The following GIGYF2 variants were observed in gnomAD, a reference collection of about 807,000 sequenced individuals.
GIGYF2 encodes GRB10-interacting GYF protein 2.
A neutral mutation model predicts 208.1 loss-of-function variants in GIGYF2; 25 were observed. The ratio of observed to expected loss-of-function variants is 0.12; its 90% CI spans 0.09 to 0.17. The LOEUF is 0.17. Among genes scored for constraint, GIGYF2 ranks in the 10% least tolerant of loss-of-function variants. The pLI, the probability that GIGYF2 is intolerant of heterozygous loss-of-function variation, is 1.00. For synonymous variants in GIGYF2, 534 were observed against 543.8 expected, an observed-to-expected ratio of 0.98 and a Z score of 0.25; for missense variants, 1,302 against 1,579.4, an observed-to-expected ratio of 0.82 and a Z score of 2.98.
chr2:232,702,823 C>A (rs1695916630), intron 1 of GIGYF2, among the ~76,000 whole-genome samples: 1 of 152,176 alleles, frequency 6.6e-6, no homozygotes, highest in Non-Finnish European at 1.5e-5. Flanking sequence ...GAGATAAGGT[C>A]TCACTCTGTC....
intron 1 of GIGYF2, among the ~76,000 whole-genome samples, chr2:232,697,880 C>G (rs1432880587): frequency 6.6e-6 from 1 of 152,206 alleles, no homozygotes; most frequent in Admixed American, 6.5e-5. Flanking sequence ...CACACCTGGT[C>G]CCTGGGAGGT....
At position 232,802,135 on chromosome 2, in the gene GIGYF2, AATTT is replaced by A. The variant is rs200775180; in HGVS notation, c.1640-4351_1640-4348del. On this transcript the variant is annotated intron_variant, in intron 14 of 28. Transcript: ENST00000373563. ...GACTTTGTGTCCTGCCACTTTGCTG[AATTT>A]ATTTTTTACTTCTAACCTGTTTTTA... Among the ~76,000 whole-genome samples, 1,322 of 152,178 alleles carry A rather than the reference AATTT, an allele frequency of 8.7e-3. 33 individuals carry two copies. The highest frequency in any genetic ancestry group is 0.054 in the Admixed American group (829 of 15,292).
intron 1 of GIGYF2, among the ~76,000 whole-genome samples, chr2:232,702,212 G>A (rs1695881132): frequency 1.3e-5 from 2 of 152,124 alleles, no homozygotes; most frequent in Admixed American, 1.3e-4. Flanking sequence ...GCTGAGGTGG[G>A]TGGATCACTT....
chr2:232,746,644 C>T (rs1438343962), intron 3 of GIGYF2, among the ~76,000 whole-genome samples: 1 of 152,088 alleles, frequency 6.6e-6, no homozygotes, highest in Admixed American at 6.6e-5. Flanking sequence ...TCCCCAAGTT[C>T]TGTTCTTTAG....
Position 232,844,394 on chromosome 2 carries a change from G to A in GIGYF2, c.3125G>A (p.Gly1042Glu), listed in dbSNP as rs1701929796. 1 of 1,613,586 alleles carries A rather than the reference G, an allele frequency of 6.2e-7. No individual in the cohort carries two copies. Among genetic ancestry groups the A allele is most frequent in the African/African-American group, 1.3e-5 (1 of 74,886 alleles). ...CATTCCAACCTGCACACCAGCATTGGGAATTCTGTTTGGGGCTCTATAAAT... is the reference window on the plus strand; with the variant it reads ...CATTCCAACCTGCACACCAGCATTGAGAATTCTGTTTGGGGCTCTATAAAT... ...NTHSNLHTSI[G>E]NSVWGSINTG... Residue 1042 changes from glycine to glutamate, a missense_variant, in exon 25 of 29, where the codon GGG (glycine) becomes GAG (glutamate). By Grantham distance (98) the Gly-to-Glu change is moderately conservative. This residue lies in a region of GIGYF2 where 701 missense variants were observed against 793.0 expected (regional missense o/e 0.88). Coordinates refer to ENST00000373563, the MANE Select transcript of GIGYF2 (RefSeq NM_001103146.3).
chr2:232,777,780 G>A (rs2106349479), intron 8 of GIGYF2, among the ~76,000 whole-genome samples: 1 of 152,194 alleles, frequency 6.6e-6, no homozygotes, highest in East Asian at 1.9e-4. Context: ...TTCCCTGCAT[G>A]TACTGGTAGG....
chr2:232,847,793 G>T (rs1275957075), intron 27 of GIGYF2, among the ~76,000 whole-genome samples: 3 of 152,152 alleles, frequency 2.0e-5, no homozygotes, highest in Non-Finnish European at 4.4e-5. Context: ...AGGTTTACCA[G>T]TTCCATTTTT....
At chr2:232,706,162 A>G (rs1240496125) in intron 2 of GIGYF2, among the ~76,000 whole-genome samples, 1 of 152,254 alleles carries the variant, frequency 6.6e-6, no homozygotes, top group Non-Finnish European at 1.5e-5. Context: ...ATGTCTAATG[A>G]CAGCCCACAG....
intron 8 of GIGYF2, among the ~76,000 whole-genome samples, chr2:232,763,450 A>G (rs1353828402): frequency 2.6e-5 from 4 of 152,162 alleles, no homozygotes; most frequent in Non-Finnish European, 4.4e-5. Context: ...GATAAAGTTT[A>G]ATTTATAAAT....
chr2:232,703,670 T>C (rs531901876), intron 2 of GIGYF2, among the ~76,000 whole-genome samples, 181 bp downstream of exon 2: 1 of 152,354 alleles, frequency 6.6e-6, no homozygotes, highest in South Asian at 2.1e-4. Flanking sequence ...CCTTTCTGCA[T>C]TGACCCTGGT....
chr2:232,844,476 T>C lies in GIGYF2; in HGVS notation c.3207T>C (p.Ala1069=), dbSNP rs1449711521. Residue 1069 remains alanine, a synonymous_variant, in exon 25 of 29, where the codon GCT becomes GCC. Transcript: ENST00000373563. The stretch of plus-strand genomic sequence containing the variant: ...TAGTCAGTAGTATTTGGAGTAATGC[T>C]GACACTAAAAACTCCAACATGGGAT... ...SDLVSSIWSN[A]DTKNSNMGFW... 1 of 1,612,352 alleles carries C rather than the reference T, an allele frequency of 6.2e-7. No individual in the cohort carries two copies. The highest frequency in any genetic ancestry group is 8.5e-7 in the Non-Finnish European group (1 of 1,178,498).
rs1700726848 is a variant in GIGYF2, at chr2:232,811,284, G to A, written c.1939G>A (p.Ala647Thr). The A allele has an allele frequency of 6.2e-7, 1 of 1,612,658 alleles. No individual in the cohort carries two copies. Among genetic ancestry groups the A allele is most frequent in the Non-Finnish European group, 8.5e-7 (1 of 1,178,734 alleles). ...AQVLAQQQKA[A>T]LSSQQQQQLA... ...GGTTTTGGCCCAACAGCAGAAAGCA[G>A]CACTGTCTTCCCAGCAGCAGCAGCA... The change falls in exon 17 of 29, where the codon GCA (alanine) becomes ACA (threonine). Residue 647 changes from alanine to threonine, a missense_variant. By Grantham distance (58) the Ala-to-Thr change is moderately conservative (BLOSUM62 0). Around this residue, in one of 8 missense-constraint regions of GIGYF2, gnomAD observed 701 missense variants for 793.0 expected, o/e 0.88. Transcript: ENST00000373563.
intron 6 of GIGYF2, among the ~76,000 whole-genome samples, chr2:232,758,694 G>A (rs890324995): frequency 6.6e-6 from 1 of 152,054 alleles, no homozygotes. Context: ...TATGTGTTTT[G>A]CTTGTCTTTC....
chr2:232,847,615 C>T, intron 27 of GIGYF2, 44 bp downstream of exon 27: 3 of 1,582,640 alleles, frequency 1.9e-6, no homozygotes, highest in Non-Finnish European at 2.6e-6. Flanking sequence ...AGGATTAATA[C>T]CTTTAGATGT....
rs774380473 is a variant in GIGYF2, at chr2:232,768,218, C to G, written c.532+6782C>G. On this transcript the variant is annotated intron_variant, in intron 8 of 28. Transcript: ENST00000373563. ...ATTCTGTCAGTCCTGTTTCAGAGAT[C>G]TGAAAATTGTCAATGCTTTGTCCAT... is the stretch of plus-strand genomic sequence containing the variant. The G allele has an allele frequency of 7.4e-6, 12 of 1,613,992 alleles. No individual in the cohort carries two copies. In the South Asian group the frequency reaches 1.2e-4, roughly 16 times the overall value.
rs1690665720 is a variant in GIGYF2, at chr2:232,858,678, A to T, written c.*1818A>T. ...TTTATGGAGGCTGAGTTCTGCACTA[A>T]ACTGTTCCTCTTGGTACCATGGAAA... On this transcript the variant is annotated 3_prime_UTR_variant, in exon 29 of 29. Coordinates refer to ENST00000373563, the MANE Select transcript of GIGYF2 (RefSeq NM_001103146.3). 1 of 398,650 alleles carries T rather than the reference A, an allele frequency of 2.5e-6. No individual in the cohort carries two copies. Among genetic ancestry groups the T allele is most frequent in the Non-Finnish European group, 4.9e-6 (1 of 203,374 alleles). The allele number at this position is 398,650 out of a possible 1,614,324, so 24.7% of individuals were successfully genotyped here. A position where few individuals can be genotyped will look rare whatever the true frequency, so the allele number is the denominator to read the frequency against.
intron 1 of GIGYF2, among the ~76,000 whole-genome samples, chr2:232,699,704 C>G (rs1344711971): frequency 6.6e-6 from 1 of 152,088 alleles, no homozygotes; most frequent in African/African-American, 2.4e-5. Flanking sequence ...AGAAATTTTC[C>G]TTTCACATTT....
In GIGYF2 at chr2:232,761,376, A is replaced by G; in HGVS notation, c.492-20A>G. 6.3e-7 allele frequency: 1 copy of G among 1,579,148 alleles called. No homozygotes were observed. Among genetic ancestry groups the G allele is most frequent in the South Asian group, 1.1e-5 (1 of 90,362 alleles). ...ATATCACTGTGAGACTTTGTTTGAA[A>G]CTTATTTTTTCTTTTCCAGGGGTGA... On this transcript the variant is annotated intron_variant, in intron 7 of 28. Transcript: ENST00000373563.
At chr2:232,772,289 G>A (rs149353417) in intron 8 of GIGYF2, among the ~76,000 whole-genome samples, 2 of 152,046 alleles carry the variant, frequency 1.3e-5, no homozygotes, top group Non-Finnish European at 2.9e-5. Flanking sequence ...TTTCTGTCCT[G>A]GATGATGGAT....
Sources: gnomAD v4.1 joint callset for allele counts (sites outside exome capture counted in the v4.1 genomes callset) on GRCh38, gnomAD v4.1.1 for gene constraint, gnomAD v4.1.1 regional missense constraint, MANE v1.5 for transcripts, NCBI Gene and HGNC (gene_info 2026-07-23, HGNC 2026-07-21) for gene names.